TGFA: variants seen among roughly 807,000 people sequenced by gnomAD.
The protein encoded by TGFA is transforming growth factor alpha.
Under a neutral mutation model 21.7 loss-of-function variants are expected in TGFA, and 12 were observed. The ratio of observed to expected loss-of-function variants is 0.55; its 90% CI spans 0.35 to 0.90. The LOEUF is 0.90. Among genes scored for constraint, TGFA ranks in the 40% least tolerant of loss-of-function variants. The pLI is 0.01. For synonymous variants in TGFA, 79 were observed against 88.1 expected (o/e 0.90, Z 0.58); for missense variants, 178 against 210.8 (o/e 0.84, Z 0.96).
chr2:70,502,200 G>C (rs1474032503), intron 2 of TGFA, among the ~76,000 whole-genome samples: 2 of 152,216 alleles, frequency 1.3e-5, no homozygotes, highest in Admixed American at 6.5e-5. Flanking sequence ...AAGCACCGAG[G>C]GGGTGTGTTT....
At position 70,504,471 on chromosome 2, in the gene TGFA, T is replaced by TATATATATATATATATATAC. The variant is rs1671852460; in HGVS notation, c.94+10387_94+10388insGTATATATATATATATATAT. Among the ~76,000 whole-genome samples, 8 of 87,178 alleles carry TATATATATATATATATATAC rather than the reference T, an allele frequency of 9.2e-5. 1 individual carries two copies. Among genetic ancestry groups the TATATATATATATATATATAC allele is most frequent in the South Asian group, 3.6e-4 (1 of 2,812 alleles). 57.2% of individuals were successfully genotyped at this position (87,178 alleles called of 152,430 possible). The stretch of plus-strand genomic sequence containing the variant: ...ATATATATATATATATATACACACA[T>TATATATATATATATATATAC]ACATACATACATACACACACACACA... On this transcript the variant is annotated intron_variant, in intron 2 of 5. Transcript: ENST00000295400.
intron 1 of TGFA, among the ~76,000 whole-genome samples, chr2:70,518,866 A>G (rs7588096): frequency 0.079 from 12,078 of 152,178 alleles, 551 homozygotes; most frequent in African/African-American, 0.12. Context: ...TCAGGCCCCT[A>G]TGTACTCCAC....
chr2:70,546,002 T>C (rs1673291394), intron 1 of TGFA, among the ~76,000 whole-genome samples: 1 of 152,188 alleles, frequency 6.6e-6, no homozygotes, highest in South Asian at 2.1e-4. Flanking sequence ...TAACAAATAC[T>C]ACATATGAAA....
intron 1 of TGFA, among the ~76,000 whole-genome samples, chr2:70,541,725 CAG>C (rs1199963217): frequency 2.8e-4 from 43 of 152,158 alleles, no homozygotes; most frequent in Admixed American, 2.4e-3. Flanking sequence ...TGATGAGATT[CAG>C]AGAGAGTCCA....
intron 2 of TGFA, among the ~76,000 whole-genome samples, chr2:70,470,992 G>A: frequency 6.6e-6 from 1 of 151,950 alleles, no homozygotes; most frequent in East Asian, 1.9e-4. Context: ...TACCATATTA[G>A]AGAATAAAAC....
intron 1 of TGFA, among the ~76,000 whole-genome samples, chr2:70,541,146 A>T (rs1033252369): frequency 2.0e-5 from 3 of 152,250 alleles, no homozygotes; most frequent in Non-Finnish European, 4.4e-5. Context: ...GCTGATAATA[A>T]CTCAGTGGCA....
chr2:70,515,001 C>T (rs1275066502), intron 1 of TGFA, 89 bp from the exon 2 acceptor site: 1 of 1,277,184 alleles, frequency 7.8e-7, no homozygotes, highest in Non-Finnish European at 1.1e-6. Context: ...CTTTGACAGG[C>T]AAAGGTTCGG....
At chr2:70,467,886 T>C (rs1300087809) in intron 2 of TGFA, among the ~76,000 whole-genome samples, 1 of 152,084 alleles carries the variant, frequency 6.6e-6, no homozygotes, top group Non-Finnish European at 1.5e-5. Flanking sequence ...GGAGACACAT[T>C]GTGTAGTGGT....
chr2:70,465,607 G>C lies in TGFA; in HGVS notation c.215+9C>G. ...GCCCCAGATCTCCAGGAGAACAGGG[G>C]ATACTTACACACATGCTGGCTTGTC... On this transcript the variant is annotated intron_variant, in intron 3 of 5. Transcript: ENST00000295400. The C allele has an allele frequency of 6.2e-7, 1 of 1,614,080 alleles. No homozygotes were observed. The highest frequency in any genetic ancestry group is 8.5e-7 in the Non-Finnish European group (1 of 1,179,982).
chr2:70,491,724 C>A (rs1203659814), intron 2 of TGFA, among the ~76,000 whole-genome samples: 2 of 152,140 alleles, frequency 1.3e-5, no homozygotes, highest in African/African-American at 4.8e-5. Context: ...CCTTTATGAG[C>A]AAAAGACACT....
intron 2 of TGFA, among the ~76,000 whole-genome samples, chr2:70,472,013 T>C (rs1366200279): frequency 6.6e-6 from 1 of 152,146 alleles, no homozygotes; most frequent in African/African-American, 2.4e-5. Flanking sequence ...TCTCTCCCCC[T>C]ATTTTTTTCT....
At chr2:70,552,973 A>T (rs1553507030) in intron 1 of TGFA, among the ~76,000 whole-genome samples, 1 of 152,210 alleles carries the variant, frequency 6.6e-6, no homozygotes, top group Non-Finnish European at 1.5e-5. Context: ...TCACCGCCAA[A>T]AAACGCACCG....
At chr2:70,547,967 G>A (rs1415993784) in intron 1 of TGFA, among the ~76,000 whole-genome samples, 1 of 151,662 alleles carries the variant, frequency 6.6e-6, no homozygotes, top group Non-Finnish European at 1.5e-5. Context: ...TGGAATTATA[G>A]GTCATGAAAA....
At chr2:70,523,678 A>G (rs1450712906) in intron 1 of TGFA, among the ~76,000 whole-genome samples, 4 of 152,108 alleles carry the variant, frequency 2.6e-5, no homozygotes, top group Non-Finnish European at 5.9e-5. Context: ...GTATAAGATC[A>G]GGTCACTCAC....
At chr2:70,459,476 G>T (rs901512148) in intron 3 of TGFA, among the ~76,000 whole-genome samples, 3 of 152,160 alleles carry the variant, frequency 2.0e-5, no homozygotes, top group Non-Finnish European at 4.4e-5. Context: ...ATGCAGACTG[G>T]TTTGGAAGAT....
chr2:70,480,999 G>A (rs1171182850), intron 2 of TGFA, among the ~76,000 whole-genome samples: 1 of 152,168 alleles, frequency 6.6e-6, no homozygotes, highest in Non-Finnish European at 1.5e-5. Flanking sequence ...AATGTTGGGG[G>A]ATTCCAGAAA....
In TGFA at chr2:70,450,752, A is replaced by G; in HGVS notation, c.*107T>C. The G allele has an allele frequency of 4.5e-6, 6 of 1,321,786 alleles. No homozygotes were observed. Among genetic ancestry groups the G allele is most frequent in the Non-Finnish European group, 6.4e-6 (6 of 936,504 alleles). The allele number at this position is 1,321,786 out of a possible 1,614,324, so 81.9% of individuals were successfully genotyped here. On this transcript the variant is annotated 3_prime_UTR_variant, in exon 6 of 6. Coordinates refer to ENST00000295400, the MANE Select transcript of TGFA (RefSeq NM_003236.4). ...CTGCACAGGTGATTACAGGCCAAGTAGGAAGGTCTGTGGCACACCCAGGCA... is the reference window on the plus strand; with the variant it reads ...CTGCACAGGTGATTACAGGCCAAGTGGGAAGGTCTGTGGCACACCCAGGCA...
chr2:70,518,861 C>T (rs1383073443), intron 1 of TGFA, among the ~76,000 whole-genome samples: 1 of 152,162 alleles, frequency 6.6e-6, no homozygotes, highest in Non-Finnish European at 1.5e-5. Context: ...TGCTTTCAGG[C>T]CCCTATGTAC....
chr2:70,496,053 C>A (rs1671569487), intron 2 of TGFA, among the ~76,000 whole-genome samples: 1 of 152,088 alleles, frequency 6.6e-6, no homozygotes, highest in Non-Finnish European at 1.5e-5. Flanking sequence ...CACTGAGGAG[C>A]CTGGCTGCCG....
Sources: allele counts gnomAD v4.1 joint callset (sites outside exome capture counted in the v4.1 genomes callset), GRCh38; gene constraint gnomAD v4.1.1; transcripts MANE v1.5; gene names NCBI Gene and HGNC (gene_info 2026-07-23, HGNC 2026-07-21).